The following HCRTR2 variants were observed in gnomAD, a reference collection of about 807,000 sequenced individuals.
HCRTR2 encodes orexin receptor type 2.
Under a neutral mutation model 49.0 loss-of-function variants are expected in HCRTR2, and 22 were observed. The observed-to-expected ratio is 0.45, with a 90% CI of 0.32 to 0.64. HCRTR2 has a LOEUF of 0.64. Among genes scored for constraint, HCRTR2 ranks in the 30% least tolerant of loss-of-function variants. The pLI is 0.04. For synonymous variants in HCRTR2, 236 were observed against 205.3 expected (o/e 1.15, Z -1.28); for missense variants, 491 against 559.4 (o/e 0.88, Z 1.23).
intron 1 of HCRTR2, among the ~76,000 whole-genome samples, chr6:55,221,589 A>AG (rs1765894578): frequency 6.6e-6 from 1 of 151,958 alleles, no homozygotes; most frequent in Non-Finnish European, 1.5e-5. Flanking sequence ...CAAGGGGGTC[A>AG]GATCACGAGG....
chr6:55,162,179 C>T (rs1444239728), intron 1 of HCRTR2, among the ~76,000 whole-genome samples: 1 of 152,104 alleles, frequency 6.6e-6, no homozygotes, highest in Admixed American at 6.6e-5. Flanking sequence ...AAGGCTTGTT[C>T]AACATACGAA....
chr6:55,142,322 G>A (rs10440849), intron 1 of HCRTR2, among the ~76,000 whole-genome samples: 1 of 150,410 alleles, frequency 6.6e-6, no homozygotes, highest in East Asian at 2.0e-4. Flanking sequence ...TCAGCCTCCC[G>A]AGTAGCTGGG....
chr6:55,252,907 C>A (rs892631393), intron 2 of HCRTR2, among the ~76,000 whole-genome samples: 3 of 151,872 alleles, frequency 2.0e-5, no homozygotes, highest in African/African-American at 7.3e-5. Flanking sequence ...AAATAGTAAA[C>A]ACACAGCACT....
At chr6:55,143,847 T>C (rs1186940251) in intron 1 of HCRTR2, among the ~76,000 whole-genome samples, 1 of 152,214 alleles carries the variant, frequency 6.6e-6, no homozygotes, top group Admixed American at 6.5e-5. Flanking sequence ...CAGGTCTCAC[T>C]GCAGCTTTTC....
chr6:55,179,258 G>C (rs951407348), intron 1 of HCRTR2, among the ~76,000 whole-genome samples: 1 of 152,062 alleles, frequency 6.6e-6, no homozygotes, highest in Non-Finnish European at 1.5e-5. Flanking sequence ...GAAGCAAAAA[G>C]GGGTTATTTC....
At chr6:55,111,816 C>T (rs904378140) in intron 1 of HCRTR2, among the ~76,000 whole-genome samples, 13 of 151,896 alleles carry the variant, frequency 8.6e-5, no homozygotes, top group African/African-American at 2.2e-4. Context: ...ATCCTAATAC[C>T]AAAACCAGGA....
chr6:55,264,669 A>G (rs1157781614), intron 4 of HCRTR2, among the ~76,000 whole-genome samples: 1 of 152,154 alleles, frequency 6.6e-6, no homozygotes, highest in Non-Finnish European at 1.5e-5. Context: ...AAACACATTT[A>G]GTGGTTTGTA....
intron 1 of HCRTR2, among the ~76,000 whole-genome samples, chr6:55,158,096 ACT>A (rs1764754813): frequency 1.3e-5 from 2 of 152,094 alleles, no homozygotes; most frequent in Admixed American, 6.5e-5. Flanking sequence ...TGCATTTCCA[ACT>A]GAGGTACCCA....
chr6:55,153,415 T>C (rs1040130872), intron 1 of HCRTR2, among the ~76,000 whole-genome samples: 2 of 152,044 alleles, frequency 1.3e-5, no homozygotes, highest in Non-Finnish European at 2.9e-5. Flanking sequence ...ATACTGAATA[T>C]TATAGACAAT....
At chr6:55,256,456 A>AT (rs1309403590) in intron 3 of HCRTR2, among the ~76,000 whole-genome samples, 2 of 152,156 alleles carry the variant, frequency 1.3e-5, no homozygotes, top group Non-Finnish European at 2.9e-5. Flanking sequence ...TATTAGGCAT[A>AT]TACTACAGGA....
At chr6:55,256,246 AG>A (rs1766650103) in intron 3 of HCRTR2, among the ~76,000 whole-genome samples, 1 of 152,170 alleles carries the variant, frequency 6.6e-6, no homozygotes, top group African/African-American at 2.4e-5. Flanking sequence ...CTTCTAGGTA[AG>A]TATACTAAAA....
At chr6:55,269,741 A>C (rs1196094205) in intron 4 of HCRTR2, among the ~76,000 whole-genome samples, 1 of 152,080 alleles carries the variant, frequency 6.6e-6, no homozygotes, top group Non-Finnish European at 1.5e-5. Context: ...GGAGGATCAC[A>C]TGAGGCCAGG....
chr6:55,189,245 A>T (rs1489496013), intron 1 of HCRTR2, among the ~76,000 whole-genome samples: 1 of 152,168 alleles, frequency 6.6e-6, no homozygotes, highest in Admixed American at 6.5e-5. Context: ...AGTTTCCTAA[A>T]GGGAGATTAA....
intron 4 of HCRTR2, among the ~76,000 whole-genome samples, chr6:55,275,713 C>T (rs1451542792): frequency 6.6e-6 from 1 of 150,728 alleles, no homozygotes; most frequent in Non-Finnish European, 1.5e-5. Flanking sequence ...TGGGTTCAAG[C>T]GATTCTCCTG....
chr6:55,122,935 A>G (rs1381806990), intron 1 of HCRTR2, among the ~76,000 whole-genome samples: 6 of 127,924 alleles, frequency 4.7e-5, no homozygotes, highest in Non-Finnish European at 9.6e-5. Flanking sequence ...CTTGGACACA[A>G]GAAGGGGAAC....
chr6:55,229,635 A>T (rs1457377653), intron 1 of HCRTR2, among the ~76,000 whole-genome samples: 1 of 152,218 alleles, frequency 6.6e-6, no homozygotes, highest in East Asian at 1.9e-4. Context: ...AGCCAGGTAT[A>T]GAAGGACAAT....
intron 1 of HCRTR2, among the ~76,000 whole-genome samples, chr6:55,123,902 G>T (rs1764238221): frequency 6.6e-6 from 1 of 152,210 alleles, no homozygotes; most frequent in African/African-American, 2.4e-5. Context: ...AGGTTTTCTA[G>T]TTTTTTGTCT....
At chr6:55,119,455 CT>C (rs1220306968) in intron 1 of HCRTR2, among the ~76,000 whole-genome samples, 2 of 151,884 alleles carry the variant, frequency 1.3e-5, no homozygotes, top group Non-Finnish European at 2.9e-5. Context: ...TGTTTCCTGA[CT>C]TTTTAATGAT....
intron 1 of HCRTR2, among the ~76,000 whole-genome samples, chr6:55,244,605 T>C (rs569844857): frequency 8.9e-4 from 135 of 152,206 alleles, no homozygotes; most frequent in African/African-American, 2.8e-3. Context: ...TTTAGTGTGC[T>C]CTCAGGAGAA....
Sources: allele counts gnomAD v4.1 joint callset (sites outside exome capture counted in the v4.1 genomes callset), GRCh38; gene constraint gnomAD v4.1.1; transcripts MANE v1.5; gene names NCBI Gene and HGNC (gene_info 2026-07-23, HGNC 2026-07-21).